GPM6A: variants seen among roughly 807,000 people sequenced by gnomAD.
GPM6A encodes glycoprotein M6A, also known as neuronal membrane glycoprotein M6-a.
In GPM6A, 7 loss-of-function variants were observed where a neutral mutation model predicts 32.1. The observed-to-expected ratio is 0.22, with a 90% confidence interval of 0.12 to 0.41. GPM6A has a LOEUF of 0.41. GPM6A is among the 10% of genes least tolerant of loss of function. The probability of loss-of-function intolerance (pLI) is 1.00; values close to 1 mark genes in which losing one functional copy is unlikely to be tolerated. For synonymous variants in GPM6A, 130 were observed against 123.4 expected, an observed-to-expected ratio of 1.05 and a Z score of -0.35; for missense variants, 235 against 347.2, an observed-to-expected ratio of 0.68 and a Z score of 2.57.
At chr4:175,818,454 TAG>T (rs953780945) in intron 1 of GPM6A, among the ~76,000 whole-genome samples, 4 of 152,106 alleles carry the variant, frequency 2.6e-5, no homozygotes, top group African/African-American at 9.7e-5. Flanking sequence ...AATATATATA[TAG>T]AGAGAGAGTC....
chr4:175,772,179 T>A (rs911236322), intron 1 of GPM6A, among the ~76,000 whole-genome samples: 3 of 152,214 alleles, frequency 2.0e-5, no homozygotes, highest in Admixed American at 6.5e-5. Context: ...CACCTTAATA[T>A]GAGGCCAGTC....
At chr4:175,870,118 G>T (rs944429705) in intron 1 of GPM6A, among the ~76,000 whole-genome samples, 2 of 152,170 alleles carry the variant, frequency 1.3e-5, no homozygotes, top group Admixed American at 1.3e-4. Context: ...TGTGATTAGT[G>T]CTATAATTCC....
chr4:175,726,742 T>C (rs1193908968), intron 1 of GPM6A, among the ~76,000 whole-genome samples: 1 of 152,212 alleles, frequency 6.6e-6, no homozygotes, highest in Non-Finnish European at 1.5e-5. Context: ...ATATCTTTAA[T>C]CCCAGCATGT....
At chr4:175,866,723 A>C (rs1000273233) in intron 1 of GPM6A, among the ~76,000 whole-genome samples, 2 of 152,172 alleles carry the variant, frequency 1.3e-5, no homozygotes, top group Non-Finnish European at 2.9e-5. Flanking sequence ...AGCTGCTATA[A>C]AGATCCATGT....
At chr4:175,967,398 G>A (rs77332756) in intron 1 of GPM6A, among the ~76,000 whole-genome samples, 8,004 of 152,138 alleles carry the variant, frequency 0.053, 536 homozygotes, top group African/African-American at 0.16. Context: ...CTCATCACTC[G>A]TTTTCAATAT....
At chr4:175,905,233 G>T (rs1042305684) in intron 1 of GPM6A, among the ~76,000 whole-genome samples, 4 of 152,160 alleles carry the variant, frequency 2.6e-5, no homozygotes, top group Non-Finnish European at 5.9e-5. Context: ...CTGTTATTCA[G>T]ATTCCTCTCA....
intron 1 of GPM6A, among the ~76,000 whole-genome samples, chr4:175,745,032 A>C (rs1482671170): frequency 6.6e-6 from 1 of 152,116 alleles, no homozygotes; most frequent in East Asian, 1.9e-4. Context: ...GAAAGTGCAA[A>C]TCGTTTTCCT....
At chr4:175,913,684 G>A (rs937417895) in intron 1 of GPM6A, among the ~76,000 whole-genome samples, 1 of 152,090 alleles carries the variant, frequency 6.6e-6, no homozygotes, top group African/African-American at 2.4e-5. Flanking sequence ...TGTTGTATTT[G>A]CTTGGTGCTC....
intron 3 of GPM6A, among the ~76,000 whole-genome samples, chr4:175,661,698 T>C (rs1160210258): frequency 2.0e-5 from 3 of 152,206 alleles, no homozygotes; most frequent in Admixed American, 1.3e-4. Context: ...CATATCATTG[T>C]CCTGGGATGA....
At chr4:175,838,019 T>C (rs12509237) in intron 1 of GPM6A, among the ~76,000 whole-genome samples, 5,510 of 151,872 alleles carry the variant, frequency 0.036, 157 homozygotes, top group East Asian at 0.12. Flanking sequence ...CAAATTTCTA[T>C]GTTCTTTAGT....
Position 175,911,056 on chromosome 4 carries a change from C to T in GPM6A, c.-23+91253G>A, listed in dbSNP as rs544044278. On this transcript the variant is annotated intron_variant, in intron 1 of 7. Transcript: ENST00000280187. Reference sequence around the variant, plus strand: ...GCAAATGCTTACACATCCTATGCCCCGATAAACCAGGGTGGTGAAATAACC... The same window carrying T: ...GCAAATGCTTACACATCCTATGCCCTGATAAACCAGGGTGGTGAAATAACC... Among the ~76,000 whole-genome samples, 22 of 152,190 alleles carry T rather than the reference C, an allele frequency of 1.4e-4. 1 individual carries two copies. The East Asian group carries it at 3.3e-3, about 23-fold the overall frequency.
At chr4:175,919,536 A>T (rs1738600886) in intron 1 of GPM6A, among the ~76,000 whole-genome samples, 1 of 152,220 alleles carries the variant, frequency 6.6e-6, no homozygotes, top group Non-Finnish European at 1.5e-5. Context: ...ATGACTTTCC[A>T]GCAGGCTTGT....
chr4:175,818,432 G>A (rs979229922), intron 1 of GPM6A, among the ~76,000 whole-genome samples: 3 of 152,134 alleles, frequency 2.0e-5, no homozygotes, highest in African/African-American at 7.2e-5. Context: ...TATACATATA[G>A]ATATAGTCTG....
At chr4:175,839,195 C>A (rs1735865678) in intron 1 of GPM6A, among the ~76,000 whole-genome samples, 1 of 152,116 alleles carries the variant, frequency 6.6e-6, no homozygotes, top group Admixed American at 6.5e-5. Context: ...TGACTCAACA[C>A]TTCAAATTAT....
At chr4:175,925,230 T>A (rs7677770) in intron 1 of GPM6A, among the ~76,000 whole-genome samples, 3,532 of 152,288 alleles carry the variant, frequency 0.023, 69 homozygotes, top group African/African-American at 0.045. Context: ...TGGAAATGGG[T>A]GTTTACACAT....
intron 1 of GPM6A, among the ~76,000 whole-genome samples, chr4:175,942,733 C>G (rs1395379806): frequency 6.6e-6 from 1 of 152,064 alleles, no homozygotes; most frequent in Admixed American, 6.5e-5. Flanking sequence ...TTCCGTTGGT[C>G]TATATATCTG....
At chr4:175,822,789 G>T (rs1735317986) in intron 1 of GPM6A, among the ~76,000 whole-genome samples, 1 of 151,990 alleles carries the variant, frequency 6.6e-6, no homozygotes, top group East Asian at 1.9e-4. Context: ...TTTAAGACCT[G>T]CATGCATTAG....
chr4:175,774,723 T>G (rs17658877), intron 1 of GPM6A, among the ~76,000 whole-genome samples: 3,074 of 152,158 alleles, frequency 0.02, 57 homozygotes, highest in Non-Finnish European at 0.031. Flanking sequence ...AATGTCAACA[T>G]TACATCATTA....
chr4:175,785,804 G>GATT (rs982512908), intron 1 of GPM6A, among the ~76,000 whole-genome samples: 3 of 152,114 alleles, frequency 2.0e-5, no homozygotes, highest in Non-Finnish European at 4.4e-5. Flanking sequence ...TCATAACTGG[G>GATT]ATTAATTCAA....
Sources: gnomAD v4.1 joint callset for allele counts (sites outside exome capture counted in the v4.1 genomes callset) on GRCh38, gnomAD v4.1.1 for gene constraint, MANE v1.5 for transcripts, NCBI Gene and HGNC (gene_info 2026-07-23, HGNC 2026-07-21) for gene names.